CFAP47: variants seen among roughly 807,000 people sequenced by gnomAD.
CFAP47 encodes cilia- and flagella-associated protein 47.
CFAP47 carries 29 observed loss-of-function variants against 148.1 expected under a neutral mutation model. The observed-to-expected ratio is 0.20, with a 90% CI of 0.15 to 0.27. The LOEUF is 0.27. CFAP47 is among the 10% of genes least tolerant of loss of function. The probability of loss-of-function intolerance (pLI) is 1.00; values close to 1 mark genes in which losing one functional copy is unlikely to be tolerated. For missense variants in CFAP47, 1,872 were observed against 1,697.5 expected (o/e 1.10, Z -1.81); for synonymous variants, 664 against 577.3 (o/e 1.15, Z -2.15).
At chrX:36,013,321 C>T in intron 21 of CFAP47, among the ~76,000 whole-genome samples, 1 of 111,709 alleles carries the variant, frequency 9.0e-6, no homozygotes, top group African/African-American at 3.3e-5. Context: ...TATGATTCAC[C>T]TGCCTGGGTG....
At position 36,236,862 on chromosome X, in the gene CFAP47, A is replaced by G; in HGVS notation, c.7332+3A>G. 1 of 448,205 alleles carries G rather than the reference A, an allele frequency of 2.2e-6. No homozygotes were observed. Among genetic ancestry groups the G allele is most frequent in the Non-Finnish European group, 4.0e-6 (1 of 251,318 alleles). 36.9% of individuals were successfully genotyped at this position (448,205 alleles called of 1,213,427 possible). ...CAAATACTGCCCTAACATTTAAGGT[A>G]AGAATTTATTTTTAGTGTGAAAGTG... On this transcript the variant is annotated splice_donor_region_variant and intron_variant, in intron 48 of 63. Coordinates refer to ENST00000378653, the MANE Select transcript of CFAP47 (RefSeq NM_001304548.2).
At chrX:35,999,335 A>G (rs1936886736) in intron 19 of CFAP47, among the ~76,000 whole-genome samples, 1 of 111,932 alleles carries the variant, frequency 8.9e-6, no homozygotes, top group Non-Finnish European at 1.9e-5. Context: ...ATGTAATTCT[A>G]TCACTAAGAA....
At chrX:35,952,035 T>A (rs111748610) in intron 6 of CFAP47, 72 bp downstream of exon 6, 4 of 1,034,404 alleles carry the variant, frequency 3.9e-6, no homozygotes, top group Non-Finnish European at 5.1e-6. Context: ...TTAATCAGAT[T>A]CACTTTAATA....
At chrX:36,371,791 T>C (rs1272535095) in intron 62 of CFAP47, among the ~76,000 whole-genome samples, 1 of 54,742 alleles carries the variant, frequency 1.8e-5, no homozygotes, top group Non-Finnish European at 2.9e-5. Context: ...TATATATGTG[T>C]GTATATACAC....
chrX:36,064,913 G>A (rs990194360), intron 26 of CFAP47, among the ~76,000 whole-genome samples: 1 of 111,652 alleles, frequency 9.0e-6, no homozygotes, highest in African/African-American at 3.2e-5. Flanking sequence ...AGAGTATGCA[G>A]GTTATAGAAG....
chrX:36,077,160 G>A (rs1937875044), intron 29 of CFAP47, among the ~76,000 whole-genome samples: 1 of 76,694 alleles, frequency 1.3e-5, no homozygotes, highest in South Asian at 9.4e-4. Context: ...ACAGTTTGAA[G>A]TCAGGTAATA....
At chrX:36,243,819 T>C (rs1480466013) in intron 48 of CFAP47, among the ~76,000 whole-genome samples, 2 of 107,671 alleles carry the variant, frequency 1.9e-5, no homozygotes, top group Non-Finnish European at 3.9e-5. Context: ...TCAGAAAATT[T>C]AGAAAGAAGT....
intron 48 of CFAP47, among the ~76,000 whole-genome samples, chrX:36,248,679 T>C (rs1258606316): frequency 9.1e-6 from 1 of 109,727 alleles, no homozygotes; most frequent in African/African-American, 3.3e-5. Context: ...CAAAAATCAA[T>C]GAGATCTAAT....
intron 33 of CFAP47, among the ~76,000 whole-genome samples, chrX:36,126,754 A>G (rs886074284): frequency 1.2e-4 from 13 of 111,859 alleles, no homozygotes; most frequent in African/African-American, 4.2e-4. Flanking sequence ...CCTCTCCAGC[A>G]TCTGTTTTTT....
chrX:36,379,551 T>C (rs1173094942), intron 63 of CFAP47, 33 bp downstream of exon 63: 3 of 1,021,912 alleles, frequency 2.9e-6, no homozygotes, highest in East Asian at 3.3e-5. Flanking sequence ...CCAAGGATGT[T>C]TGATGCAACT....
chrX:36,131,306 A>C (rs1400096851), intron 33 of CFAP47, among the ~76,000 whole-genome samples: 1 of 111,355 alleles, frequency 9.0e-6, no homozygotes, highest in Non-Finnish European at 1.9e-5. Flanking sequence ...GGGATTGTAA[A>C]ATGGTGCAAC....
chrX:36,147,755 ATAAT>A (rs1454894906), intron 36 of CFAP47, among the ~76,000 whole-genome samples: 2 of 112,427 alleles, frequency 1.8e-5, no homozygotes, highest in African/African-American at 6.5e-5. Flanking sequence ...AACTAAGAAA[ATAAT>A]TAATCTTTCA....
At position 36,201,503 on chromosome X, in the gene CFAP47, G is replaced by A; in HGVS notation, c.6663+3G>A. ...TCCTGGGACTGACGAAGATCGAGGT[G>A]GGAATGGAGTAATAGATGATTCACT... On this transcript the variant is annotated splice_donor_region_variant and intron_variant, in intron 44 of 63. Transcript: ENST00000378653. 3.4e-6 allele frequency: 1 copy of A among 296,581 alleles called. No homozygotes were observed. Among genetic ancestry groups the A allele is most frequent in the Non-Finnish European group, 5.9e-6 (1 of 169,698 alleles). 24.4% of individuals were successfully genotyped at this position (296,581 alleles called of 1,213,427 possible).
At chrX:36,278,280 C>T (rs1941039449) in intron 49 of CFAP47, among the ~76,000 whole-genome samples, 1 of 112,207 alleles carries the variant, frequency 8.9e-6, no homozygotes, top group South Asian at 3.7e-4. Flanking sequence ...TCTTTACCTA[C>T]TCAAGCCTCA....
intron 47 of CFAP47, 123 bp from the exon 48 acceptor site, chrX:36,236,563 A>T: frequency 2.4e-6 from 1 of 408,277 alleles, no homozygotes. Flanking sequence ...TGAAAAAGTC[A>T]ATGGCTAACA....
At position 36,003,209 on chromosome X, in the gene CFAP47, T is replaced by C. The variant is rs912593412; in HGVS notation, c.3417+1502T>C. Among the ~76,000 whole-genome samples, 30 of 110,164 alleles carry C rather than the reference T, an allele frequency of 2.7e-4. No individual in the cohort carries two copies. In the Middle Eastern group the frequency reaches 0.015, roughly 56 times the overall value. The stretch of plus-strand genomic sequence containing the variant: ...TGATGGTCACGTTTTTGTCCTTTAT[T>C]ATATTAATATAGTATATTATATTGA... On this transcript the variant is annotated intron_variant, in intron 21 of 63. Transcript: ENST00000378653.
intron 32 of CFAP47, among the ~76,000 whole-genome samples, chrX:36,102,247 A>T (rs928901967): frequency 6.3e-5 from 7 of 111,690 alleles, no homozygotes; most frequent in African/African-American, 1.6e-4. Context: ...CACGGCTCAC[A>T]GCACATTCTT....
At chrX:36,096,903 C>G (rs1299764188) in intron 30 of CFAP47, among the ~76,000 whole-genome samples, 1 of 110,972 alleles carries the variant, frequency 9.0e-6, no homozygotes, top group East Asian at 2.8e-4. Flanking sequence ...CTCATTGTCT[C>G]CTCTTTCTTC....
At chrX:36,268,687 G>C (rs1444360586) in intron 49 of CFAP47, among the ~76,000 whole-genome samples, 1 of 111,971 alleles carries the variant, frequency 8.9e-6, no homozygotes, top group Non-Finnish European at 1.9e-5. Context: ...CTCTCTGTCT[G>C]TCTTGCTTGC....
Sources: allele counts gnomAD v4.1 joint callset (sites outside exome capture counted in the v4.1 genomes callset), GRCh38; gene constraint gnomAD v4.1.1; transcripts MANE v1.5; gene names NCBI Gene and HGNC (gene_info 2026-07-23, HGNC 2026-07-21).